Variants in PI15 observed in about 807,000 individuals in gnomAD.
PI15 encodes the protein 25 kDa trypsin inhibitor.
Under a neutral mutation model 31.0 loss-of-function variants are expected in PI15, and 18 were observed. The observed-to-expected ratio is 0.58, with a 90% CI of 0.40 to 0.86. The LOEUF is 0.86. Ranked by LOEUF, PI15 falls within the 40% of genes least tolerant of loss-of-function variation. PI15 has a pLI of 0.00. For missense variants in PI15, 282 were observed against 328.1 expected, an observed-to-expected ratio of 0.86 and a Z score of 1.09; for synonymous variants, 118 against 119.1, an observed-to-expected ratio of 0.99 and a Z score of 0.06.
At chr8:74,824,715 G>A (rs1422452764) in intron 1 of PI15, 40 bp downstream of exon 1, 1 of 155,648 alleles carries the variant, frequency 6.4e-6, no homozygotes, top group Admixed American at 6.2e-5. Flanking sequence ...TGCATGCATT[G>A]ATTTTAAAGT....
In PI15 at chr8:74,845,746, A is replaced by G. The variant is rs1811016667; in HGVS notation, c.641+249A>G. On this transcript the variant is annotated intron_variant, in intron 5 of 5. Transcript: ENST00000260113. ...TGGTAGGGCTCACTAAATTCTCCTT[A>G]CCATATGTTTTAATTATGGCAATTG... is the stretch of plus-strand genomic sequence containing the variant. 3 of 455,974 alleles carry G rather than the reference A, an allele frequency of 6.6e-6. No individual in the cohort carries two copies. In the South Asian group the frequency reaches 9.1e-5, roughly 14 times the overall value. The allele number at this position is 455,974 out of a possible 1,614,324, so 28.2% of individuals were successfully genotyped here. A position where few individuals can be genotyped will look rare whatever the true frequency, so the allele number is the denominator to read the frequency against.
At chr8:74,846,140 T>C (rs1159148164) in intron 5 of PI15, among the ~76,000 whole-genome samples, 1 of 152,222 alleles carries the variant, frequency 6.6e-6, no homozygotes, top group Non-Finnish European at 1.5e-5. Flanking sequence ...TTGGAATAAA[T>C]ACCAAAATGT....
chr8:74,825,613 A>T, intron 2 of PI15, 91 bp downstream of exon 2: 1 of 1,049,650 alleles, frequency 9.5e-7, no homozygotes, highest in Non-Finnish European at 1.4e-6. Context: ...ACGAGTGTTT[A>T]TATGTCCGGG....
rs1186455953 is a variant in PI15, at chr8:74,852,853, T to A, written c.*3600T>A. On this transcript the variant is annotated 3_prime_UTR_variant, in exon 6 of 6. Transcript: ENST00000260113. ...CTTAGACTTTGGTGTAGGTTCTTCC[T>A]GTGTAGCCATATACCCAGGCTCTGC... 6.6e-6 allele frequency: 1 copy of A among 152,092 alleles called. No homozygotes were observed. Among genetic ancestry groups the A allele is most frequent in the African/African-American group, 2.4e-5 (1 of 41,436 alleles). The allele number at this position is 152,092 out of a possible 1,614,324, so 9.4% of individuals were successfully genotyped here. A position where few individuals can be genotyped will look rare whatever the true frequency, so the allele number is the denominator to read the frequency against.
intron 2 of PI15, among the ~76,000 whole-genome samples, chr8:74,830,635 A>C (rs1810767921): frequency 6.6e-6 from 1 of 152,056 alleles, no homozygotes; most frequent in South Asian, 2.1e-4. Flanking sequence ...AAGGTAAACT[A>C]CTTTTTGTTT....
At chr8:74,841,811 G>T (rs1214279690) in intron 2 of PI15, among the ~76,000 whole-genome samples, 1 of 152,074 alleles carries the variant, frequency 6.6e-6, no homozygotes, top group Non-Finnish European at 1.5e-5. Flanking sequence ...TCAACCAAAA[G>T]AAATGTTTTT....
intron 5 of PI15, among the ~76,000 whole-genome samples, chr8:74,847,909 T>G (rs1453021547): frequency 6.6e-6 from 1 of 152,154 alleles, no homozygotes. Flanking sequence ...GATAACCAAA[T>G]TTTCTCCCGA....
At chr8:74,827,377 A>AT (rs1217720629) in intron 2 of PI15, among the ~76,000 whole-genome samples, 7 of 152,030 alleles carry the variant, frequency 4.6e-5, no homozygotes, top group African/African-American at 7.2e-5. Context: ...AAAAAGCCAC[A>AT]TTTTTTCTAG....
At chr8:74,828,109 G>A (rs1810725832) in intron 2 of PI15, among the ~76,000 whole-genome samples, 2 of 152,090 alleles carry the variant, frequency 1.3e-5, no homozygotes, top group Admixed American at 6.6e-5. Context: ...TGGCTCCCTG[G>A]GTGGGGAATC....
intron 2 of PI15, among the ~76,000 whole-genome samples, chr8:74,834,358 C>T (rs1230404483): frequency 6.6e-6 from 1 of 152,116 alleles, no homozygotes; most frequent in Non-Finnish European, 1.5e-5. Context: ...GGAAATCATA[C>T]AGAAAAACTC....
At chr8:74,826,014 T>C (rs1267140113) in intron 2 of PI15, among the ~76,000 whole-genome samples, 1 of 152,170 alleles carries the variant, frequency 6.6e-6, no homozygotes, top group Non-Finnish European at 1.5e-5. Flanking sequence ...GACAAAGTTC[T>C]TACTGACGCT....
At position 74,824,602 on chromosome 8, in the gene PI15, A is replaced by G. The variant is rs553844510; in HGVS notation, c.-114A>G. The G allele has an allele frequency of 2.6e-5, 4 of 152,436 alleles. No individual in the cohort carries two copies. The highest frequency in any genetic ancestry group is 5.9e-5 in the Non-Finnish European group (4 of 68,138). 9.4% of individuals were successfully genotyped at this position (152,436 alleles called of 1,614,324 possible). On this transcript the variant is annotated 5_prime_UTR_variant, in exon 1 of 6. Coordinates refer to ENST00000260113, the MANE Select transcript of PI15 (RefSeq NM_015886.5). ...TAAAAAGACACACTCCTCTTACAAG[A>G]GTTCATGCTACCACATAGCAAAGAA...
chr8:74,825,614 T>C, intron 2 of PI15, 92 bp downstream of exon 2: 1 of 1,000,606 alleles, frequency 1.0e-6, no homozygotes, highest in Non-Finnish European at 1.5e-6. Context: ...CGAGTGTTTA[T>C]ATGTCCGGGT....
rs555957243 is a variant in PI15 at position 74,840,913 on chromosome 8, C to T, written c.274-3068C>T. Reference sequence around the variant, plus strand: ...TAGAAATACCAAAAAGCATGGACATCGGTGAACACGTTTTCTTCACATCTA... The same window carrying T: ...TAGAAATACCAAAAAGCATGGACATTGGTGAACACGTTTTCTTCACATCTA... On this transcript the variant is annotated intron_variant, in intron 2 of 5. Transcript: ENST00000260113. 1.3e-3 allele frequency among the ~76,000 whole-genome samples: 194 copies of T among 152,242 alleles called. 1 individual carries two copies. Among genetic ancestry groups the T allele is most frequent in the African/African-American group, 4.5e-3 (187 of 41,548 alleles).
intron 2 of PI15, among the ~76,000 whole-genome samples, chr8:74,836,090 A>G (rs1459341984): frequency 1.3e-5 from 2 of 152,246 alleles, no homozygotes; most frequent in African/African-American, 4.8e-5. Context: ...AAAATAGAGT[A>G]GATGACTAGA....
At chr8:74,844,337 C>G (rs571023677) in intron 3 of PI15, among the ~76,000 whole-genome samples, 3 of 151,842 alleles carry the variant, frequency 2.0e-5, no homozygotes, top group Non-Finnish European at 4.4e-5. Flanking sequence ...CTGGATTTTT[C>G]TTTGAGCTCG....
chr8:74,840,711 G>A (rs1319397307), intron 2 of PI15, among the ~76,000 whole-genome samples: 1 of 152,146 alleles, frequency 6.6e-6, no homozygotes, highest in Non-Finnish European at 1.5e-5. Context: ...CAGAGGGTAG[G>A]TCAGTCCTGT....
intron 2 of PI15, among the ~76,000 whole-genome samples, chr8:74,843,633 G>A (rs917768482): frequency 6.6e-6 from 1 of 152,172 alleles, no homozygotes; most frequent in African/African-American, 2.4e-5. Flanking sequence ...GGAGGCGGAG[G>A]CGGGTGAATC....
At chr8:74,829,042 A>C (rs904793227) in intron 2 of PI15, among the ~76,000 whole-genome samples, 2 of 117,334 alleles carry the variant, frequency 1.7e-5, no homozygotes, top group Admixed American at 1.5e-4. Flanking sequence ...TTTCTTGCAA[A>C]CTTTAATTTT....
Sources: gnomAD v4.1 joint callset for allele counts (sites outside exome capture counted in the v4.1 genomes callset) on GRCh38, gnomAD v4.1.1 for gene constraint, MANE v1.5 for transcripts, NCBI Gene and HGNC (gene_info 2026-07-23, HGNC 2026-07-21) for gene names.